The following METTL21A variants were observed in gnomAD, a reference collection of about 807,000 sequenced individuals.
The protein encoded by METTL21A is methyltransferase 21A, HSPA lysine.
METTL21A carries 22 observed loss-of-function variants against 20.9 expected under a neutral mutation model. The observed-to-expected ratio is 1.05, with a 90% confidence interval of 0.75 to 1.50. The LOEUF is 1.50. Ranked by LOEUF, METTL21A falls within the 40% of genes most tolerant of loss-of-function variation. The pLI is 0.00. For missense variants in METTL21A, 271 were observed against 266.8 expected, an observed-to-expected ratio of 1.02 and a Z score of -0.11; for synonymous variants, 93 against 102.0, an observed-to-expected ratio of 0.91 and a Z score of 0.53.
At chr2:207,608,622 G>A (rs1335212601), downstream of METTL21A, among the ~76,000 whole-genome samples, 2 of 152,144 alleles carry the variant, frequency 1.3e-5, no homozygotes, top group African/African-American at 4.8e-5. Flanking sequence ...CATCTCCAAA[G>A]TTAATGAATC....
intron 3 of METTL21A, chr2:207,582,937 AC>A (rs1384477553): frequency 5.2e-6 from 1 of 192,180 alleles, no homozygotes; most frequent in African/African-American, 2.4e-5. Flanking sequence ...ATATACATAC[AC>A]ACACACATAC....
At chr2:207,582,446 A>C (rs1216852529) in intron 3 of METTL21A, among the ~76,000 whole-genome samples, 2 of 152,230 alleles carry the variant, frequency 1.3e-5, no homozygotes, top group Non-Finnish European at 2.9e-5. Flanking sequence ...TTATCAATAC[A>C]GACACATACT....
At chr2:207,596,812 G>A in intron 3 of METTL21A, 1 of 1,319,522 alleles carries the variant, frequency 7.6e-7, no homozygotes, top group Middle Eastern at 2.7e-4. Flanking sequence ...TAAAATGTTG[G>A]TTGCTGTGAG....
rs760466918 is a variant in METTL21A at position 207,624,361 on chromosome 2, G to A, written c.15C>T (p.Pro5=). ...ACCCAAATTCCGTGGTCTCCTCATA[G>A]GGCACGAGGGCCATTCCGCCTGCAC... Residue 5 remains proline, a synonymous_variant, in exon 2 of 4, where the codon CCC becomes CCT. Coordinates refer to ENST00000406927, the Ensembl canonical transcript of METTL21A. 5 of 1,613,234 alleles carry A rather than the reference G, an allele frequency of 3.1e-6. No homozygotes were observed. The African/African-American group carries it at 6.7e-5, about 22-fold the overall frequency.
intron 3 of METTL21A, among the ~76,000 whole-genome samples, chr2:207,583,234 A>G (rs930091623): frequency 1.3e-5 from 2 of 152,128 alleles, no homozygotes; most frequent in African/African-American, 2.4e-5. Context: ...TTTGATACTC[A>G]TGAGAGTTCC....
downstream of METTL21A, chr2:207,609,592 G>GA (rs2088629192): frequency 6.6e-6 from 1 of 152,106 alleles, no homozygotes; most frequent in Non-Finnish European, 1.5e-5. Flanking sequence ...AATACAAAAG[G>GA]AGCTTATATG....
intron 2 of METTL21A, among the ~76,000 whole-genome samples, chr2:207,623,789 G>A (rs1427146951): frequency 1.3e-5 from 2 of 152,202 alleles, no homozygotes; most frequent in African/African-American, 2.4e-5. Context: ...GGAAGCGGAG[G>A]CTGCATTGAG....
chr2:207,618,986 C>T (rs935544548), intron 3 of METTL21A, among the ~76,000 whole-genome samples: 1 of 152,100 alleles, frequency 6.6e-6, no homozygotes, highest in Non-Finnish European at 1.5e-5. Context: ...ACTTACCCTC[C>T]AAGAAGCCTC....
At position 207,590,095 on chromosome 2, in the gene METTL21A, T is replaced by TG. The variant is rs1188964150; in HGVS notation, c.260-7936_260-7935insC. Among the ~76,000 whole-genome samples the TG allele has an allele frequency of 4.3e-4, 61 of 142,188 alleles. 1 individual carries two copies. The highest frequency in any genetic ancestry group is 1.3e-3 in the African/African-American group (51 of 40,314). The allele number at this position is 142,188 out of a possible 152,430, so 93.3% of individuals were successfully genotyped here. ...TCTATTTTGAGAAGTTTTTTTTTTTTTTTTTTTTTTTTAATAGATACGGGA... is the reference window on the plus strand; with the variant it reads ...TCTATTTTGAGAAGTTTTTTTTTTTTGTTTTTTTTTTTTAATAGATACGGGA... On this transcript the variant is annotated intron_variant, in intron 3 of 3. Coordinates refer to the METTL21A transcript ENST00000425132.
At chr2:207,601,915 G>A (rs1250408038) in intron 3 of METTL21A, 2 of 212,690 alleles carry the variant, frequency 9.4e-6, no homozygotes, top group Non-Finnish European at 1.9e-5. Context: ...TGACTATTAA[G>A]TTGGCTACAC....
intron 3 of METTL21A, among the ~76,000 whole-genome samples, chr2:207,589,447 CTATTT>C (rs1433773001): frequency 1.5e-4 from 23 of 152,136 alleles, no homozygotes; most frequent in South Asian, 2.1e-4. Context: ...GATAATTTTC[CTATTT>C]TAAGGTCAGC....
At chr2:207,616,167 G>A (rs1230685497) in intron 3 of METTL21A, among the ~76,000 whole-genome samples, 7 of 151,604 alleles carry the variant, frequency 4.6e-5, no homozygotes, top group Admixed American at 2.0e-4. Flanking sequence ...GCAACAGAGC[G>A]AGACCCTATC....
chr2:207,619,665 G>C (rs1032498138), intron 3 of METTL21A, among the ~76,000 whole-genome samples: 1 of 152,238 alleles, frequency 6.6e-6, no homozygotes, highest in Middle Eastern at 3.4e-3. Flanking sequence ...TAAAAATACA[G>C]ATGGAGAGAA....
At chr2:207,616,591 T>C (rs2107126914) in intron 3 of METTL21A, among the ~76,000 whole-genome samples, 1 of 152,282 alleles carries the variant, frequency 6.6e-6, no homozygotes, top group East Asian at 1.9e-4. Context: ...ACGCCTGTAA[T>C]CTCAGCACTT....
exon 4 of METTL21A, chr2:207,612,933 C>A (rs1319225382): frequency 7.1e-6 from 8 of 1,131,592 alleles, no homozygotes; most frequent in East Asian, 2.4e-5. Flanking sequence ...CCCCTGAGAA[C>A]CTTTGGCTTA....
downstream of METTL21A, among the ~76,000 whole-genome samples, chr2:207,608,418 ATT>A (rs11331224): frequency 2.4e-4 from 36 of 151,084 alleles, 1 homozygote; most frequent in South Asian, 1.5e-3. Context: ...ATTTCTGATG[ATT>A]TTTTTTTTTC....
At chr2:207,612,335 G>C (rs1443316531), downstream of METTL21A, 1 of 151,754 alleles carries the variant, frequency 6.6e-6, no homozygotes, top group Non-Finnish European at 1.5e-5. Context: ...CCTGACCTCA[G>C]GTGATCTGCC....
chr2:207,613,315 C>T (rs748540257), exon 4 of METTL21A: 1 of 1,614,102 alleles, frequency 6.2e-7, no homozygotes, highest in Non-Finnish European at 8.5e-7. Flanking sequence ...GAAAAACTCC[C>T]CAAATTTTGT....
chr2:207,582,851 C>A, intron 3 of METTL21A: 1 of 336,948 alleles, frequency 3.0e-6, no homozygotes, highest in Non-Finnish European at 5.9e-6. Context: ...TGAGATGGCA[C>A]TACTACTCCA....
Sources: allele counts gnomAD v4.1 joint callset (sites outside exome capture counted in the v4.1 genomes callset), GRCh38; gene constraint gnomAD v4.1.1; transcripts MANE v1.5; gene names NCBI Gene and HGNC (gene_info 2026-07-23, HGNC 2026-07-21).